Variants in CEP164 observed in about 807,000 individuals in gnomAD.
The protein encoded by CEP164 is centrosomal protein of 164 kDa.
CEP164 carries 162 observed loss-of-function variants against 182.7 expected under a neutral mutation model. The observed-to-expected ratio is 0.89, with a 90% CI of 0.78 to 1.01. The LOEUF (loss-of-function observed/expected upper bound fraction) is 1.01. Among genes scored for constraint, CEP164 ranks in the 50% least tolerant of loss-of-function variants. CEP164 has a pLI of 0.00. For synonymous variants in CEP164, 661 were observed against 690.0 expected (o/e 0.96, Z 0.66); for missense variants, 1,735 against 1,790.4 (o/e 0.97, Z 0.56).
Position 117,411,183 on chromosome 11 carries a change from C to A in CEP164, c.4163+289C>A. The A allele has an allele frequency of 2.6e-6, 1 of 391,666 alleles. No individual in the cohort carries two copies. Among genetic ancestry groups the A allele is most frequent in the Non-Finnish European group, 4.8e-6 (1 of 209,798 alleles). The allele number at this position is 391,666 out of a possible 1,614,324, so 24.3% of individuals were successfully genotyped here. A position where few individuals can be genotyped will look rare whatever the true frequency, so the allele number is the denominator to read the frequency against. On this transcript the variant is annotated intron_variant, in intron 31 of 32. Coordinates refer to ENST00000278935, the MANE Select transcript of CEP164 (RefSeq NM_014956.5). This position sits in a 1 kb window ranked among gnomAD's most constrained non-coding sequence, Gnocchi z 4.4. ...TCTGGCCCCTGTGGGGAGGAGTCAGCCCCTGGTGGGACCCTGCCCCCGCCC... is the reference window on the plus strand; with the variant it reads ...TCTGGCCCCTGTGGGGAGGAGTCAGACCCTGGTGGGACCCTGCCCCCGCCC...
intron 11 of CEP164, among the ~76,000 whole-genome samples, chr11:117,376,722 C>CT: frequency 6.6e-6 from 1 of 152,222 alleles, no homozygotes; most frequent in Non-Finnish European, 1.5e-5. Context: ...CTGATAAAAC[C>CT]TTTCTGGGCC....
At chr11:117,384,437 G>A (rs962558039) in intron 14 of CEP164, among the ~76,000 whole-genome samples, 1 of 152,218 alleles carries the variant, frequency 6.6e-6, no homozygotes, top group Non-Finnish European at 1.5e-5. Flanking sequence ...AGTTCAGGAT[G>A]CTTTCTGTGA....
chr11:117,375,892 C>A, intron 11 of CEP164, 101 bp downstream of exon 11: 1 of 968,884 alleles, frequency 1.0e-6, no homozygotes, highest in Non-Finnish European at 1.6e-6. Flanking sequence ...GGGTGCATTT[C>A]TGTAAGTCCT....
intron 15 of CEP164, among the ~76,000 whole-genome samples, chr11:117,387,819 T>C (rs2044131170): frequency 1.3e-5 from 2 of 152,170 alleles, no homozygotes. Context: ...CCAAGAGTGG[T>C]AGAAAATTAT....
intron 28 of CEP164, chr11:117,408,618 C>T: frequency 2.2e-6 from 1 of 448,794 alleles, no homozygotes. Flanking sequence ...TGGTGGAACT[C>T]TGGGCCCCAG....
At position 117,396,055 on chromosome 11, in the gene CEP164, A is replaced by C. The variant is rs1184812312; in HGVS notation, c.3091A>C (p.Ser1031Arg). Residue 1031 changes from serine (S) to arginine (R), a missense_variant and splice_region_variant, in exon 25 of 33, where the codon AGC becomes CGC. Physicochemically the swap from Ser to Arg is moderately radical, Grantham distance 110. Transcript: ENST00000278935. ...TCTCACTCATCTTTCCTTCCACAGC[A>C]GCCTGGAGGCTGAAGCTCAAAAGAA... is the stretch of plus-strand genomic sequence containing the variant. Reference protein sequence around the residue: ...QSQQLQKHFSSLEAEAQKKQH... With the variant: ...QSQQLQKHFSRLEAEAQKKQH... 1.2e-6 allele frequency: 2 copies of C among 1,614,010 alleles called. No individual in the cohort carries two copies.
Position 117,344,099 on chromosome 11 carries a change from A to G in CEP164, c.83-67A>G, listed in dbSNP as rs558538488. The stretch of plus-strand genomic sequence containing the variant: ...TGATGGAGAGAAAAGACAAAGTAGA[A>G]AAAAGATTGTGAGTTTTTTTCTTCT... On this transcript the variant is annotated intron_variant, in intron 3 of 32. Coordinates refer to ENST00000278935, the MANE Select transcript of CEP164 (RefSeq NM_014956.5). 5.6e-5 allele frequency: 49 copies of G among 869,210 alleles called. No individual in the cohort carries two copies. The African/African-American group carries it at 7.0e-4, about 12-fold the overall frequency. The allele number at this position is 869,210 out of a possible 1,614,324, so 53.8% of individuals were successfully genotyped here. A position where few individuals can be genotyped will look rare whatever the true frequency, so the allele number is the denominator to read the frequency against.
At chr11:117,370,429 T>A (rs1460528342) in intron 8 of CEP164, among the ~76,000 whole-genome samples, 1 of 152,252 alleles carries the variant, frequency 6.6e-6, no homozygotes, top group Non-Finnish European at 1.5e-5. Context: ...AGTCTTCTGA[T>A]GTGGCCAATG....
chr11:117,379,339 C>T (rs567835823), intron 11 of CEP164, among the ~76,000 whole-genome samples: 4 of 152,286 alleles, frequency 2.6e-5, no homozygotes, highest in East Asian at 1.9e-4. Flanking sequence ...CTTAGGCTGC[C>T]AGTGGAGAGG....
intron 5 of CEP164, among the ~76,000 whole-genome samples, chr11:117,354,003 C>T (rs67060143): frequency 3.3e-5 from 4 of 119,558 alleles, no homozygotes; most frequent in South Asian, 2.8e-4. Context: ...TTCTTCTTCT[C>T]CTTCTTCTTC....
In CEP164 at chr11:117,392,694, C is replaced by T. The variant is rs926055575; in HGVS notation, c.2493+67C>T. ...TGGACTCTCTTACAGTCAGCTGAGC[C>T]GGCCTAGCCTCAGCGGCCTCCAGTT... On this transcript the variant is annotated intron_variant, in intron 19 of 32. Coordinates refer to ENST00000278935, the MANE Select transcript of CEP164 (RefSeq NM_014956.5). 210 of 1,563,794 alleles carry T rather than the reference C, an allele frequency of 1.3e-4. 1 individual carries two copies. The South Asian group carries it at 1.6e-3, about 12-fold the overall frequency.
At chr11:117,345,977 G>A (rs144959682) in intron 4 of CEP164, among the ~76,000 whole-genome samples, 34 of 152,220 alleles carry the variant, frequency 2.2e-4, no homozygotes, top group African/African-American at 7.7e-4. Context: ...GTGAGAGCCC[G>A]GCCTGTTCTC....
Position 117,371,215 on chromosome 11 carries a change from C to G in CEP164, c.901C>G (p.Arg301Gly), listed in dbSNP as rs780849567. Residue 301 changes from arginine (R) to glycine (G), a missense_variant, in exon 9 of 33, where the codon CGA becomes GGA. Coordinates refer to ENST00000278935, the MANE Select transcript of CEP164 (RefSeq NM_014956.5). ...TCTGAGCAGTGCTGTTGGCAAAGGG[C>G]GACAGGGAAGTGGAGCAAGACCTGG... is the stretch of plus-strand genomic sequence containing the variant. ...SSLSSAVGKG[R>G]QGSGARPGLP... The G allele has an allele frequency of 6.2e-7, 1 of 1,614,136 alleles. No individual in the cohort carries two copies. Among genetic ancestry groups the G allele is most frequent in the Non-Finnish European group, 8.5e-7 (1 of 1,180,026 alleles).
At chr11:117,377,180 A>G (rs556481682) in intron 11 of CEP164, among the ~76,000 whole-genome samples, 85 of 92,460 alleles carry the variant, frequency 9.2e-4, no homozygotes, top group African/African-American at 4.9e-3. Flanking sequence ...CTTGGAAGAC[A>G]GTTTTTCCAG....
chr11:117,343,689 G>C (rs2038463114), intron 3 of CEP164, among the ~76,000 whole-genome samples: 1 of 146,266 alleles, frequency 6.8e-6, no homozygotes, highest in African/African-American at 2.6e-5. Flanking sequence ...GGAGTGCAGT[G>C]GCGTGATCTC....
intron 9 of CEP164, 120 bp downstream of exon 9, chr11:117,371,586 C>T (rs1458859782): frequency 2.4e-6 from 3 of 1,239,928 alleles, no homozygotes; most frequent in Non-Finnish European, 3.3e-6. Flanking sequence ...TTTGCGTGTC[C>T]CTGCACTGGG....
chr11:117,380,821 T>G, intron 12 of CEP164, 116 bp downstream of exon 12: 1 of 893,662 alleles, frequency 1.1e-6, no homozygotes, highest in Non-Finnish European at 1.7e-6. Context: ...TGGCAGCAGG[T>G]GATGAACTGG....
intron 3 of CEP164, among the ~76,000 whole-genome samples, chr11:117,340,172 C>T (rs115025784): frequency 0.011 from 1,670 of 152,244 alleles, 32 homozygotes; most frequent in African/African-American, 0.038. Flanking sequence ...ACTACAGATG[C>T]GTGCCACTGT....
intron 10 of CEP164, 35 bp downstream of exon 10, chr11:117,373,866 A>G: frequency 6.3e-7 from 1 of 1,576,012 alleles, no homozygotes; most frequent in Non-Finnish European, 8.7e-7. Flanking sequence ...AGTGGTGGTG[A>G]AGAGCATAGA....
Sources: gnomAD v4.1 joint callset for allele counts (sites outside exome capture counted in the v4.1 genomes callset) on GRCh38, gnomAD v4.1.1 for gene constraint, Gnocchi (gnomAD v3.1) non-coding constraint, MANE v1.5 for transcripts, NCBI Gene and HGNC (gene_info 2026-07-23, HGNC 2026-07-21) for gene names.